The following PRDM11 variants were observed in gnomAD, a reference collection of about 807,000 sequenced individuals.
PRDM11 encodes PR/SET domain 11, also known as PR domain-containing protein 11.
A neutral mutation model predicts 97.8 loss-of-function variants in PRDM11; 20 were observed. The observed-to-expected ratio is 0.20, with a 90% CI of 0.14 to 0.30. The LOEUF (loss-of-function observed/expected upper bound fraction) is 0.30, where lower values mean the gene tolerates loss of function less well. Among genes scored for constraint, PRDM11 ranks in the 10% least tolerant of loss-of-function variants. PRDM11 has a pLI of 1.00. For missense variants in PRDM11, 1,139 were observed against 1,555.2 expected (o/e 0.73, Z 4.50); for synonymous variants, 599 against 637.7 (o/e 0.94, Z 0.91).
At chr11:45,183,929 C>T (rs574045775) in intron 4 of PRDM11, among the ~76,000 whole-genome samples, 34 of 152,256 alleles carry the variant, frequency 2.2e-4, no homozygotes, top group Admixed American at 5.2e-4. Context: ...TCATGGAGTT[C>T]TCTGTGGGAA....
intron 4 of PRDM11, among the ~76,000 whole-genome samples, chr11:45,186,670 A>G (rs1435095771): frequency 6.6e-6 from 1 of 152,152 alleles, no homozygotes; most frequent in East Asian, 1.9e-4. Flanking sequence ...GGAGGTGAGG[A>G]AAGGGAACTA....
intron 1 of PRDM11, among the ~76,000 whole-genome samples, chr11:45,135,228 C>T (rs916253713): frequency 3.9e-5 from 6 of 152,150 alleles, no homozygotes; most frequent in African/African-American, 1.4e-4. Context: ...ATCATGAAAA[C>T]AGGAGAAAAC....
intron 1 of PRDM11, among the ~76,000 whole-genome samples, chr11:45,139,995 T>A (rs796702813): frequency 2.8e-4 from 42 of 152,348 alleles, no homozygotes; most frequent in African/African-American, 1.0e-3. Context: ...TGTAGGTTTG[T>A]CAACCTTTTA....
intron 1 of PRDM11, among the ~76,000 whole-genome samples, chr11:45,158,017 TG>T (rs1379508032): frequency 3.3e-5 from 5 of 152,180 alleles, no homozygotes; most frequent in Non-Finnish European, 5.9e-5. Context: ...GCTTCCTGCA[TG>T]GATCCTCTGA....
At chr11:45,139,909 C>T (rs1487718) in intron 1 of PRDM11, among the ~76,000 whole-genome samples, 67,292 of 151,854 alleles carry the variant, frequency 0.44, 17,757 homozygotes, top group Non-Finnish European at 0.59. Flanking sequence ...GAGAGAGAAA[C>T]AATGTTGAAG....
upstream of PRDM11, among the ~76,000 whole-genome samples, chr11:45,146,131 T>G (rs1484275677): frequency 6.6e-6 from 1 of 152,214 alleles, no homozygotes; most frequent in African/African-American, 2.4e-5. Flanking sequence ...ACCCTCAGCC[T>G]TCGCGGGACG....
chr11:45,222,050 G>T (rs1039478221), intron 6 of PRDM11, among the ~76,000 whole-genome samples: 6 of 152,200 alleles, frequency 3.9e-5, no homozygotes, highest in Non-Finnish European at 7.3e-5. Flanking sequence ...AGGGATATTG[G>T]TTGTTGCCAG....
chr11:45,143,340 G>A (rs1390261178), upstream of PRDM11, among the ~76,000 whole-genome samples: 1 of 152,164 alleles, frequency 6.6e-6, no homozygotes, highest in East Asian at 1.9e-4. Context: ...AGTAGGGGGT[G>A]GAGGGAAGGC....
In PRDM11 at chr11:45,228,704, T is replaced by C. The variant is rs1854337364; in HGVS notation, c.*545T>C. The C allele has an allele frequency of 6.6e-6, 1 of 152,144 alleles. No homozygotes were observed. 9.4% of individuals were successfully genotyped at this position (152,144 alleles called of 1,614,324 possible). ...GTCAGGGTGGGTTGTCTGTCTGCAT[T>C]TGGGAGGCAGGGGGGTTGACCTTTC... is the stretch of plus-strand genomic sequence containing the variant. On this transcript the variant is annotated 3_prime_UTR_variant, in exon 8 of 8. Coordinates refer to ENST00000683152, the MANE Select transcript of PRDM11 (RefSeq NM_001384648.1).
At chr11:45,196,097 C>T (rs937361451) in intron 4 of PRDM11, among the ~76,000 whole-genome samples, 1 of 152,148 alleles carries the variant, frequency 6.6e-6, no homozygotes, top group African/African-American at 2.4e-5. Context: ...AGGCTGTTTT[C>T]CAAAGCAGCT....
At chr11:45,126,895 T>C (rs1241798083) in intron 1 of PRDM11, among the ~76,000 whole-genome samples, 1 of 152,226 alleles carries the variant, frequency 6.6e-6, no homozygotes, top group African/African-American at 2.4e-5. Context: ...CCTTGCTAGA[T>C]TGGGGAAGTT....
chr11:45,224,077 C>T, intron 6 of PRDM11, 140 bp from the exon 7 acceptor site: 2 of 968,400 alleles, frequency 2.1e-6, no homozygotes, highest in South Asian at 1.7e-5. Flanking sequence ...TTCGTATCTC[C>T]CCTTTGCAAC....
In PRDM11 at chr11:45,226,051, G is replaced by A. The variant is rs1240008051; in HGVS notation, c.1426G>A (p.Asp476Asn). The A allele has an allele frequency of 5.9e-6, 9 of 1,515,570 alleles. No individual in the cohort carries two copies. Among genetic ancestry groups the A allele is most frequent in the African/African-American group, 2.8e-5 (2 of 72,664 alleles). 93.9% of individuals were successfully genotyped at this position (1,515,570 alleles called of 1,614,324 possible). A position where few individuals can be genotyped will look rare whatever the true frequency, so the allele number is the denominator to read the frequency against. Residue 476 changes from aspartate to asparagine, a missense_variant, in exon 8 of 8, where the codon GAT becomes AAT. Asp to Asn is a conservative substitution (Grantham distance 23, BLOSUM62 1). This residue lies in a region of PRDM11 where 710 missense variants were observed against 1,044.9 expected (regional missense o/e 0.68). Coordinates refer to ENST00000683152, the MANE Select transcript of PRDM11 (RefSeq NM_001384648.1). The part of the protein sequence containing the change: ...AIMEDDDQEV[D>N]SADESVSNDM... ...CATGGAGGATGATGACCAGGAAGTC[G>A]ATTCAGCAGATGAATCTGTCTCCAA...
At chr11:45,213,567 C>CAGCTGCTGTGCTT in intron 5 of PRDM11, 1 of 456,530 alleles carries the variant, frequency 2.2e-6, no homozygotes, top group Non-Finnish European at 4.4e-6. Context: ...TGCGCGTGCT[C>CAGCTGCTGTGCTT]AGCTGCTGTG....
Position 45,181,857 on chromosome 11 carries a change from C to T in PRDM11, c.91C>T (p.Leu31Phe). The T allele has an allele frequency of 1.2e-6, 2 of 1,613,346 alleles. No homozygotes were observed. The highest frequency in any genetic ancestry group is 1.7e-6 in the Non-Finnish European group (2 of 1,179,900). ...TVVKTEVCSPLRDQEYGQPCS... is the reference protein window; with the variant it reads ...TVVKTEVCSPFRDQEYGQPCS... ...GGTGAAGACGGAGGTCTGCTCACCA[C>T]TCCGAGACCAGGAGTATGGCCAGCC... The change falls in exon 2 of 8, where the codon CTC becomes TTC. Residue 31 changes from leucine to phenylalanine, a missense_variant. Transcript: ENST00000683152.
rs542396109 is a variant in PRDM11, at chr11:45,104,858, G to T, written c.96+8957G>T. Among the ~76,000 whole-genome samples the T allele has an allele frequency of 2.6e-4, 40 of 152,306 alleles. No individual in the cohort carries two copies. In the South Asian group the frequency reaches 7.9e-3, roughly 30 times the overall value. Reference sequence around the variant, plus strand: ...CTCGATGCCTTGTGATGTCCAAGCAGCTTCCCAGGCCTCCTTCCTTCACGG... The same window carrying T: ...CTCGATGCCTTGTGATGTCCAAGCATCTTCCCAGGCCTCCTTCCTTCACGG... On this transcript the variant is annotated intron_variant, in intron 1 of 6. Transcript: ENST00000530656.
chr11:45,120,180 C>T (rs997940348), intron 1 of PRDM11, among the ~76,000 whole-genome samples: 6 of 152,096 alleles, frequency 3.9e-5, no homozygotes, highest in Non-Finnish European at 7.4e-5. Flanking sequence ...CACACTGAAG[C>T]ACACAGAAAT....
intron 1 of PRDM11, among the ~76,000 whole-genome samples, chr11:45,181,320 T>C (rs960696317): frequency 6.6e-6 from 1 of 152,186 alleles, no homozygotes; most frequent in Non-Finnish European, 1.5e-5. Flanking sequence ...GGTGAGGGGC[T>C]GCCCTGCCAG....
At position 45,204,626 on chromosome 11, in the gene PRDM11, G is replaced by T. The variant is rs550033715; in HGVS notation, c.487-85G>T. 3.0e-5 allele frequency: 38 copies of T among 1,277,766 alleles called. No homozygotes were observed. In the East Asian group the frequency reaches 7.9e-4, roughly 26 times the overall value. 79.2% of individuals were successfully genotyped at this position (1,277,766 alleles called of 1,614,324 possible). A position where few individuals can be genotyped will look rare whatever the true frequency, so the allele number is the denominator to read the frequency against. ...AGGGGGAGGGAGCAGGTGGGACCAG[G>T]CCCTGGGCCCTGGTTGGGAAGGAGC... On this transcript the variant is annotated intron_variant, in intron 4 of 7. Coordinates refer to ENST00000683152, the MANE Select transcript of PRDM11 (RefSeq NM_001384648.1).
Sources: gnomAD v4.1 joint callset for allele counts (sites outside exome capture counted in the v4.1 genomes callset) on GRCh38, gnomAD v4.1.1 for gene constraint, gnomAD v4.1.1 regional missense constraint, MANE v1.5 for transcripts, NCBI Gene and HGNC (gene_info 2026-07-23, HGNC 2026-07-21) for gene names.